Variants in ATG7 observed in about 807,000 individuals in gnomAD.
ATG7 encodes the protein autophagy related 7.
In ATG7, 70 loss-of-function variants were observed where a neutral mutation model predicts 82.4. The observed-to-expected ratio is 0.85, with a 90% CI of 0.70 to 1.04. The LOEUF (loss-of-function observed/expected upper bound fraction) is 1.04, where lower values mean the gene tolerates loss of function less well. Ranked by LOEUF, ATG7 falls within the 50% of genes least tolerant of loss-of-function variation. ATG7 has a pLI of 0.00. For missense variants in ATG7, 792 were observed against 864.3 expected (o/e 0.92, Z 1.05); for synonymous variants, 287 against 313.0 (o/e 0.92, Z 0.88).
intron 9 of ATG7, among the ~76,000 whole-genome samples, chr3:11,327,208 CAG>C (rs1216836281): frequency 6.6e-6 from 1 of 152,238 alleles, no homozygotes; most frequent in Non-Finnish European, 1.5e-5. Context: ...CTTGCCTTCA[CAG>C]AGAGTTATAA....
rs976897031 is a variant in ATG7 at position 11,557,050 on chromosome 3, T to C, written c.*2207T>C. On this transcript the variant is annotated 3_prime_UTR_variant, in exon 21 of 21. Coordinates refer to ENST00000693202, the MANE Select transcript of ATG7 (RefSeq NM_001349232.2). ...AGTCCACAAAGCCTTGCAGGTGAGG[T>C]GACCACGCCCACGTCACCTGGTCAG... 3 of 152,444 alleles carry C rather than the reference T, an allele frequency of 2.0e-5. No homozygotes were observed. The highest frequency in any genetic ancestry group is 6.5e-5 in the Admixed American group (1 of 15,282). 9.4% of individuals were successfully genotyped at this position (152,444 alleles called of 1,614,324 possible).
chr3:11,466,385 T>G (rs1057366856), intron 20 of ATG7, among the ~76,000 whole-genome samples: 16 of 152,246 alleles, frequency 1.1e-4, no homozygotes, highest in Non-Finnish European at 4.4e-5. Flanking sequence ...TGGTTTTGTG[T>G]CCACGTCATA....
chr3:11,337,617 A>C (rs1952751535), intron 11 of ATG7, among the ~76,000 whole-genome samples: 1 of 151,974 alleles, frequency 6.6e-6, no homozygotes, highest in African/African-American at 2.4e-5. Context: ...AAGGGCATCT[A>C]ATTTTCTTAG....
chr3:11,439,794 C>A (rs1402530413), intron 20 of ATG7, among the ~76,000 whole-genome samples: 1 of 152,176 alleles, frequency 6.6e-6, no homozygotes, highest in African/African-American at 2.4e-5. Context: ...TGACCACATC[C>A]AAGTCTCTGA....
intron 14 of ATG7, among the ~76,000 whole-genome samples, chr3:11,351,895 A>T (rs1462950191): frequency 1.3e-5 from 2 of 150,244 alleles, no homozygotes. Context: ...GTACATGTGC[A>T]CAACATGCAG....
At chr3:11,422,740 C>CTTTT (rs557755646) in intron 19 of ATG7, among the ~76,000 whole-genome samples, 918 of 49,542 alleles carry the variant, frequency 0.019, 227 homozygotes, top group African/African-American at 0.036. Flanking sequence ...TCATTTCTAG[C>CTTTT]TTTTTTTTTT....
intron 18 of ATG7, among the ~76,000 whole-genome samples, chr3:11,368,445 T>TA (rs1485946743): frequency 6.6e-6 from 1 of 152,022 alleles, no homozygotes; most frequent in Non-Finnish European, 1.5e-5. Context: ...TGACAGAAAT[T>TA]AACAGCCTGT....
intron 20 of ATG7, chr3:11,446,577 G>C: frequency 2.4e-6 from 1 of 409,332 alleles, no homozygotes; most frequent in Non-Finnish European, 4.8e-6. Flanking sequence ...GTGTTAAAAT[G>C]TCATAAATGA....
intron 20 of ATG7, among the ~76,000 whole-genome samples, chr3:11,542,635 A>T (rs2070926471): frequency 6.6e-6 from 1 of 152,046 alleles, no homozygotes; most frequent in South Asian, 2.1e-4. Flanking sequence ...CTGGTCTTCC[A>T]TATTTCCTCT....
chr3:11,310,790 A>G (rs767261193), intron 7 of ATG7, among the ~76,000 whole-genome samples: 1 of 151,416 alleles, frequency 6.6e-6, no homozygotes, highest in Non-Finnish European at 1.5e-5. Flanking sequence ...CCACCACCAC[A>G]CCCGGCTAAT....
At chr3:11,330,171 T>C (rs1264669820) in intron 9 of ATG7, among the ~76,000 whole-genome samples, 1 of 152,198 alleles carries the variant, frequency 6.6e-6, no homozygotes, top group African/African-American at 2.4e-5. Flanking sequence ...CTTAAGGTAA[T>C]ATTTGCCAGG....
At chr3:11,523,422 A>AG (rs1228513992) in intron 20 of ATG7, among the ~76,000 whole-genome samples, 5 of 152,254 alleles carry the variant, frequency 3.3e-5, no homozygotes, top group Admixed American at 2.6e-4. Flanking sequence ...AGAAACAGGG[A>AG]GGATTATTGT....
At chr3:11,538,206 G>A (rs1445832489) in intron 20 of ATG7, among the ~76,000 whole-genome samples, 1 of 152,184 alleles carries the variant, frequency 6.6e-6, no homozygotes, top group East Asian at 1.9e-4. Context: ...AATAACCGAG[G>A]GCCTCGTGGC....
At chr3:11,378,864 G>A (rs953048230) in intron 18 of ATG7, among the ~76,000 whole-genome samples, 6 of 151,788 alleles carry the variant, frequency 4.0e-5, no homozygotes, top group Non-Finnish European at 7.4e-5. Context: ...TTTGTTTTTC[G>A]GGGGGTGGGG....
intron 20 of ATG7, among the ~76,000 whole-genome samples, chr3:11,448,624 A>G (rs1231440229): frequency 6.6e-6 from 1 of 152,162 alleles, no homozygotes; most frequent in African/African-American, 2.4e-5. Flanking sequence ...GCCCCTGTGG[A>G]TTATTTGACT....
At chr3:11,273,241 C>G (rs958336079) in intron 1 of ATG7, among the ~76,000 whole-genome samples, 4 of 152,250 alleles carry the variant, frequency 2.6e-5, no homozygotes, top group African/African-American at 9.6e-5. Context: ...TTTGGGACCT[C>G]TGGATCCCAG....
At chr3:11,558,487 T>TC, downstream of ATG7, 1 of 1,507,272 alleles carries the variant, frequency 6.6e-7, no homozygotes, top group South Asian at 1.3e-5. Flanking sequence ...TTTTTTTTTT[T>TC]TAAGTACTGA....
chr3:11,417,805 A>ATTTTTTTTTTTTTTTTTTT (rs200364263), intron 19 of ATG7, among the ~76,000 whole-genome samples: 1 of 52,742 alleles, frequency 1.9e-5, no homozygotes, highest in African/African-American at 6.5e-5. Context: ...TTATTATTTT[A>ATTTTTTTTTTTTTTTTTTT]TTTTATTTTA....
At chr3:11,364,959 G>A (rs1038873585) in intron 18 of ATG7, among the ~76,000 whole-genome samples, 8 of 152,134 alleles carry the variant, frequency 5.3e-5, no homozygotes, top group African/African-American at 9.7e-5. Flanking sequence ...TCTTTGATGC[G>A]TTTTGTAAAC....
Sources: gnomAD v4.1 joint callset for allele counts (sites outside exome capture counted in the v4.1 genomes callset) on GRCh38, gnomAD v4.1.1 for gene constraint, MANE v1.5 for transcripts, NCBI Gene and HGNC (gene_info 2026-07-23, HGNC 2026-07-21) for gene names.